The following RAB8B variants were observed in gnomAD, a reference collection of about 807,000 sequenced individuals.
RAB8B encodes ras-related protein Rab-8B.
In RAB8B, 11 loss-of-function variants were observed where a neutral mutation model predicts 32.0. The ratio of observed to expected loss-of-function variants is 0.34; its 90% confidence interval spans 0.22 to 0.57. The LOEUF (loss-of-function observed/expected upper bound fraction) is 0.57, where lower values mean the gene tolerates loss of function less well. Among genes scored for constraint, RAB8B ranks in the 20% least tolerant of loss-of-function variants. RAB8B has a pLI of 0.86. For synonymous variants in RAB8B, 103 were observed against 89.6 expected, an observed-to-expected ratio of 1.15 and a Z score of -0.85; for missense variants, 190 against 258.5, an observed-to-expected ratio of 0.73 and a Z score of 1.82.
At chr15:63,253,988 T>C (rs1173156239) in intron 3 of RAB8B, among the ~76,000 whole-genome samples, 3 of 152,224 alleles carry the variant, frequency 2.0e-5, no homozygotes, top group African/African-American at 4.8e-5. Flanking sequence ...GGGATATCTA[T>C]TGGCCAATGT....
chr15:63,237,609 G>A (rs2037992208), intron 1 of RAB8B, among the ~76,000 whole-genome samples: 1 of 152,076 alleles, frequency 6.6e-6, no homozygotes, highest in Admixed American at 6.6e-5. Context: ...AGCTGTTTGA[G>A]CTCCTTATAT....
chr15:63,262,598 T>C, intron 6 of RAB8B, 94 bp from the exon 7 acceptor site: 1 of 409,702 alleles, frequency 2.4e-6, no homozygotes, highest in South Asian at 7.8e-5. Flanking sequence ...AGACCCCATC[T>C]CTGAGGCGGG....
chr15:63,234,317 G>A (rs965053953), intron 1 of RAB8B, among the ~76,000 whole-genome samples: 5 of 152,116 alleles, frequency 3.3e-5, no homozygotes, highest in Admixed American at 1.3e-4. Flanking sequence ...ATTCACAAAC[G>A]CAGGGGCAAC....
intron 1 of RAB8B, among the ~76,000 whole-genome samples, chr15:63,213,627 A>G (rs1451887711): frequency 2.0e-5 from 3 of 152,086 alleles, no homozygotes; most frequent in Non-Finnish European, 4.4e-5. Context: ...AAAACAAAAC[A>G]ATCTTCCTTC....
chr15:63,261,470 G>A (rs2038202832), intron 6 of RAB8B, among the ~76,000 whole-genome samples: 1 of 152,116 alleles, frequency 6.6e-6, no homozygotes. Context: ...GTGGATGAAT[G>A]GATAAAGAAA....
chr15:63,245,257 C>T (rs1028117993), intron 2 of RAB8B, among the ~76,000 whole-genome samples: 3 of 152,178 alleles, frequency 2.0e-5, no homozygotes, highest in Non-Finnish European at 4.4e-5. Flanking sequence ...CAGGGTCTCA[C>T]CTTTTCCTCG....
chr15:63,217,909 A>G (rs1444614261), intron 1 of RAB8B, among the ~76,000 whole-genome samples: 1 of 152,216 alleles, frequency 6.6e-6, no homozygotes, highest in Non-Finnish European at 1.5e-5. Flanking sequence ...CAGAGCTCAC[A>G]TAGTAATAAC....
intron 6 of RAB8B, among the ~76,000 whole-genome samples, chr15:63,261,961 C>T (rs1453394933): frequency 6.6e-6 from 1 of 152,184 alleles, no homozygotes; most frequent in Non-Finnish European, 1.5e-5. Flanking sequence ...TCTATTCGAA[C>T]TGACTTCCAT....
At chr15:63,202,089 TAAAAAA>T (rs146981058) in intron 1 of RAB8B, among the ~76,000 whole-genome samples, 4,192 of 85,636 alleles carry the variant, frequency 0.049, 255 homozygotes, top group African/African-American at 0.17. Flanking sequence ...CCGTCTCTAC[TAAAAAA>T]AAAAAAAAAA....
chr15:63,206,320 G>GT (rs942386466), intron 1 of RAB8B, among the ~76,000 whole-genome samples: 27 of 150,096 alleles, frequency 1.8e-4, no homozygotes, highest in Admixed American at 1.0e-3. Flanking sequence ...CTGAGTAAAT[G>GT]TTTTTTTTTA....
At chr15:63,212,057 T>C (rs928593557) in intron 1 of RAB8B, among the ~76,000 whole-genome samples, 4 of 152,130 alleles carry the variant, frequency 2.6e-5, no homozygotes, top group African/African-American at 9.7e-5. Flanking sequence ...GGTCTTGAAC[T>C]CCTGGGCTCA....
intron 3 of RAB8B, among the ~76,000 whole-genome samples, chr15:63,250,495 A>G (rs2152580496): frequency 6.6e-6 from 1 of 152,164 alleles, no homozygotes; most frequent in South Asian, 2.1e-4. Context: ...TTGACTACCA[A>G]GTTATTTGCT....
At chr15:63,222,618 A>G (rs968001863) in intron 1 of RAB8B, among the ~76,000 whole-genome samples, 4 of 152,212 alleles carry the variant, frequency 2.6e-5, no homozygotes, top group Admixed American at 1.3e-4. Context: ...GCTCACTGCA[A>G]CCTCCGCTTC....
intron 1 of RAB8B, among the ~76,000 whole-genome samples, chr15:63,224,430 A>C (rs1378877582): frequency 6.6e-6 from 1 of 152,222 alleles, no homozygotes; most frequent in Non-Finnish European, 1.5e-5. Context: ...TGAGTGTCAC[A>C]GTCCCTGTCA....
intron 1 of RAB8B, among the ~76,000 whole-genome samples, chr15:63,195,579 G>A (rs922148126): frequency 6.6e-6 from 1 of 152,196 alleles, no homozygotes; most frequent in South Asian, 2.1e-4. Flanking sequence ...GAAAAATTTA[G>A]CAGTATATTT....
chr15:63,189,635 C>T lies in RAB8B; in HGVS notation c.11C>T (p.Thr4Met), dbSNP rs916341534. ...GGCCGGAGCGAGAAGATGGCGAAGA[C>T]GTACGATTATCTCTTCAAGCTCCTG... MAK[T>M]YDYLFKLLLI... Residue 4 changes from threonine to methionine, a missense_variant, in exon 1 of 8, where the codon ACG becomes ATG. By Grantham distance (81) the Thr-to-Met change is moderately conservative (BLOSUM62 -1). This residue lies in a region of RAB8B where 80 missense variants were observed against 142.6 expected (regional missense o/e 0.56). Transcript: ENST00000321437. 6.2e-7 allele frequency: 1 copy of T among 1,613,774 alleles called. No homozygotes were observed. The highest frequency in any genetic ancestry group is 1.7e-5 in the Admixed American group (1 of 60,012).
In RAB8B at chr15:63,207,131, C is replaced by G. The variant is rs545888387; in HGVS notation, c.124+17383C>G. Among the ~76,000 whole-genome samples, 3 of 152,098 alleles carry G rather than the reference C, an allele frequency of 2.0e-5. No individual in the cohort carries two copies. The East Asian group carries it at 5.8e-4, about 29-fold the overall frequency. On this transcript the variant is annotated intron_variant, in intron 1 of 7. Transcript: ENST00000321437. Reference sequence around the variant, plus strand: ...GTTCTCTAGGTTTTCCTTTTTTTCTCTTTTAGAAATTGGACACTTCAATAA... The same window carrying G: ...GTTCTCTAGGTTTTCCTTTTTTTCTGTTTTAGAAATTGGACACTTCAATAA...
At chr15:63,219,655 A>C (rs1051364282) in intron 1 of RAB8B, among the ~76,000 whole-genome samples, 1 of 152,252 alleles carries the variant, frequency 6.6e-6, no homozygotes, top group South Asian at 2.1e-4. Flanking sequence ...TGGGTTAAAA[A>C]AGGCAGAAAG....
At chr15:63,241,757 C>G (rs1032737263) in intron 1 of RAB8B, among the ~76,000 whole-genome samples, 1 of 151,946 alleles carries the variant, frequency 6.6e-6, no homozygotes, top group African/African-American at 2.4e-5. Context: ...TTCTTGATGC[C>G]AGGCCCAAAG....
Sources: gnomAD v4.1 joint callset for allele counts (sites outside exome capture counted in the v4.1 genomes callset) on GRCh38, gnomAD v4.1.1 for gene constraint, gnomAD v4.1.1 regional missense constraint, MANE v1.5 for transcripts, NCBI Gene and HGNC (gene_info 2026-07-23, HGNC 2026-07-21) for gene names.